Variants in HDAC4 observed in about 807,000 individuals in gnomAD.
The protein encoded by HDAC4 is histone deacetylase 4, also known as histone deacetylase A.
HDAC4 carries 16 observed loss-of-function variants against 135.1 expected under a neutral mutation model. The ratio of observed to expected loss-of-function variants is 0.12; its 90% confidence interval spans 0.08 to 0.18. The LOEUF (loss-of-function observed/expected upper bound fraction) is 0.18, where lower values mean the gene tolerates loss of function less well. Ranked by LOEUF, HDAC4 falls within the 10% of genes least tolerant of loss-of-function variation. HDAC4 has a pLI of 1.00. For synonymous variants in HDAC4, 685 were observed against 653.4 expected (o/e 1.05, Z -0.74); for missense variants, 1,143 against 1,511.8 (o/e 0.76, Z 4.05).
At chr2:239,064,264 G>A (rs2033181884) in intron 24 of HDAC4, among the ~76,000 whole-genome samples, 1 of 152,246 alleles carries the variant, frequency 6.6e-6, no homozygotes, top group Non-Finnish European at 1.5e-5. Context: ...AAGCAGGTTT[G>A]TCTCAGAGTG....
At chr2:239,077,766 G>A (rs1316177158) in intron 22 of HDAC4, among the ~76,000 whole-genome samples, 1 of 152,134 alleles carries the variant, frequency 6.6e-6, no homozygotes, top group African/African-American at 2.4e-5. Flanking sequence ...GACATCAGGC[G>A]CTGCGACTCC....
intron 2 of HDAC4, among the ~76,000 whole-genome samples, chr2:239,315,472 C>T (rs1408364707): frequency 3.3e-5 from 5 of 152,180 alleles, no homozygotes; most frequent in Non-Finnish European, 7.3e-5. Context: ...GCTAGAGAAA[C>T]ATTCAAAATG....
chr2:239,340,403 G>A (rs1324768979), intron 2 of HDAC4, among the ~76,000 whole-genome samples: 1 of 152,204 alleles, frequency 6.6e-6, no homozygotes, highest in Non-Finnish European at 1.5e-5. Flanking sequence ...CCCAGTGGGG[G>A]CAGCCCCACT....
chr2:239,084,465 G>GCGCA (rs1553609288), intron 19 of HDAC4, among the ~76,000 whole-genome samples: 8 of 108,028 alleles, frequency 7.4e-5, no homozygotes, highest in East Asian at 3.4e-4. Flanking sequence ...GCGTGCGCGC[G>GCGCA]CACACACACA....
At chr2:239,094,856 C>T in intron 17 of HDAC4, 154 bp downstream of exon 17, 1 of 1,569,282 alleles carries the variant, frequency 6.4e-7, no homozygotes, top group Non-Finnish European at 8.7e-7. Flanking sequence ...GCTCTCGGCT[C>T]ACACGGCCTT....
At chr2:239,184,295 C>G (rs1449695123) in intron 4 of HDAC4, among the ~76,000 whole-genome samples, 1 of 151,326 alleles carries the variant, frequency 6.6e-6, no homozygotes, top group African/African-American at 2.4e-5. Flanking sequence ...GGGGGGGTCC[C>G]TAAGTGTCTG....
rs1288303323 is a variant in HDAC4, at chr2:239,115,425, G to A, written c.1534-115C>T. 8 of 1,319,306 alleles carry A rather than the reference G, an allele frequency of 6.1e-6. No individual in the cohort carries two copies. In the African/African-American group the frequency reaches 1.0e-4, roughly 17 times the overall value. 81.7% of individuals were successfully genotyped at this position (1,319,306 alleles called of 1,614,324 possible). A position where few individuals can be genotyped will look rare whatever the true frequency, so the allele number is the denominator to read the frequency against. On this transcript the variant is annotated intron_variant, in intron 12 of 26. Coordinates refer to ENST00000543185, the MANE Select transcript of HDAC4 (RefSeq NM_001378414.1). The surrounding 1 kb of genome is among the most constrained non-coding windows in gnomAD (Gnocchi z 6.3). ...TGGGGCAGACAATCAGGGACTCAGG[G>A]CACCTTATCACCCTGCCACAGGCCA... is the stretch of plus-strand genomic sequence containing the variant.
At chr2:239,318,196 T>TG (rs1181145256) in intron 2 of HDAC4, among the ~76,000 whole-genome samples, 1 of 152,168 alleles carries the variant, frequency 6.6e-6, no homozygotes, top group Admixed American at 6.5e-5. Flanking sequence ...GGAAACAATG[T>TG]AACTTCACAG....
intron 2 of HDAC4, among the ~76,000 whole-genome samples, chr2:239,304,563 C>G (rs2052463683): frequency 6.6e-6 from 1 of 152,140 alleles, no homozygotes; most frequent in African/African-American, 2.4e-5. Flanking sequence ...ACTTCTTGTT[C>G]TTCAAAAGAT....
intron 2 of HDAC4, among the ~76,000 whole-genome samples, chr2:239,288,612 A>G (rs6752136): frequency 0.032 from 4,796 of 152,178 alleles, 262 homozygotes; most frequent in African/African-American, 0.11. Context: ...ATATAAAAAT[A>G]AAATATAAAA....
Position 239,134,293 on chromosome 2 carries a change from G to A in HDAC4, c.1246C>T (p.His416Tyr), listed in dbSNP as rs2152881220. 6.2e-7 allele frequency: 1 copy of A among 1,613,466 alleles called. No individual in the cohort carries two copies. The highest frequency in any genetic ancestry group is 1.7e-5 in the Admixed American group (1 of 60,026). ...GGAAHSPLLQ[H>Y]MVLLEQPPAQ... ...GGCGGCTGCTCCAGTAAGACCATGTGCTGCAGAAGAGGGCTGTGCGCTGCC... is the reference window on the plus strand; with the variant it reads ...GGCGGCTGCTCCAGTAAGACCATGTACTGCAGAAGAGGGCTGTGCGCTGCC... The change falls in exon 11 of 27, where the codon CAC (histidine) becomes TAC (tyrosine). Residue 416 changes from histidine to tyrosine, a missense_variant. Around this residue, in one of 9 missense-constraint regions of HDAC4, gnomAD observed 272 missense variants for 309.7 expected, o/e 0.88. Transcript: ENST00000543185.
At chr2:239,229,078 G>T (rs2153155108) in intron 3 of HDAC4, among the ~76,000 whole-genome samples, 1 of 152,250 alleles carries the variant, frequency 6.6e-6, no homozygotes, top group Admixed American at 6.5e-5. Context: ...GGAGGCAGAG[G>T]TGGCAGTGAG....
chr2:239,090,211 G>T, intron 17 of HDAC4, 95 bp from the exon 18 acceptor site: 1 of 873,006 alleles, frequency 1.1e-6, no homozygotes, highest in South Asian at 1.4e-5. Context: ...CGTGGGCTCT[G>T]CTTCTGAAAC....
At chr2:239,149,819 C>T (rs1296948043) in intron 7 of HDAC4, among the ~76,000 whole-genome samples, 2 of 152,118 alleles carry the variant, frequency 1.3e-5, no homozygotes, top group African/African-American at 4.8e-5. Flanking sequence ...GGCCACATTG[C>T]CTAGAATGAA....
At position 239,168,308 on chromosome 2, in the gene HDAC4, C is replaced by G. The variant is rs530642300; in HGVS notation, c.491-4385G>C. On this transcript the variant is annotated intron_variant, in intron 5 of 26. Coordinates refer to ENST00000543185, the MANE Select transcript of HDAC4 (RefSeq NM_001378414.1). ...CCACACTGCTCGGGCCGAGTCCAGCCTGCCCCTGCTCCTTCCCCGAGCTTA... is the reference window on the plus strand; with the variant it reads ...CCACACTGCTCGGGCCGAGTCCAGCGTGCCCCTGCTCCTTCCCCGAGCTTA... 1.1e-4 allele frequency among the ~76,000 whole-genome samples: 17 copies of G among 152,314 alleles called. No homozygotes were observed. The South Asian group carries it at 3.3e-3, about 30-fold the overall frequency.
chr2:239,374,210 G>A (rs1694829600), intron 1 of HDAC4, among the ~76,000 whole-genome samples: 1 of 152,128 alleles, frequency 6.6e-6, no homozygotes, highest in Non-Finnish European at 1.5e-5. Flanking sequence ...GGACCTGGGA[G>A]ATCACATTGA....
intron 2 of HDAC4, among the ~76,000 whole-genome samples, chr2:239,271,613 G>A (rs571945678): frequency 1.7e-3 from 254 of 152,098 alleles, no homozygotes; most frequent in Middle Eastern, 3.4e-3. Flanking sequence ...CCGGATTATC[G>A]GGTAGACACT....
At chr2:239,328,059 T>C (rs2053521856) in intron 2 of HDAC4, among the ~76,000 whole-genome samples, 1 of 152,224 alleles carries the variant, frequency 6.6e-6, no homozygotes, top group African/African-American at 2.4e-5. Flanking sequence ...CTGAGCAATG[T>C]AAGCTGGATG....
intron 5 of HDAC4, among the ~76,000 whole-genome samples, chr2:239,175,920 C>T (rs2043732229): frequency 6.6e-6 from 1 of 152,176 alleles, no homozygotes; most frequent in Non-Finnish European, 1.5e-5. Context: ...AAGATAAATC[C>T]ATGGACTCTG....
Sources: allele counts gnomAD v4.1 joint callset (sites outside exome capture counted in the v4.1 genomes callset), GRCh38; gene constraint gnomAD v4.1.1; regional missense constraint gnomAD v4.1.1; non-coding constraint Gnocchi (gnomAD v3.1); transcripts MANE v1.5; gene names NCBI Gene and HGNC (gene_info 2026-07-23, HGNC 2026-07-21).